ACBD5: variants seen among roughly 807,000 people sequenced by gnomAD.
ACBD5 encodes acyl-CoA-binding domain-containing protein 5.
A neutral mutation model predicts 71.8 loss-of-function variants in ACBD5; 40 were observed. The observed-to-expected ratio is 0.56, with a 90% confidence interval of 0.43 to 0.72. The LOEUF is 0.72. Among genes scored for constraint, ACBD5 ranks in the 30% least tolerant of loss-of-function variants. The pLI, the probability that ACBD5 is intolerant of heterozygous loss-of-function variation, is 0.00. For synonymous variants in ACBD5, 229 were observed against 218.6 expected (o/e 1.05, Z -0.42); for missense variants, 559 against 644.5 (o/e 0.87, Z 1.44).
intron 7 of ACBD5, among the ~76,000 whole-genome samples, chr10:27,217,758 A>T (rs750611435): frequency 6.6e-6 from 1 of 152,166 alleles, no homozygotes; most frequent in Non-Finnish European, 1.5e-5. Context: ...GTGAGCCATG[A>T]CTATGCCACT....
intron 7 of ACBD5, 72 bp from the exon 8 acceptor site, chr10:27,215,713 T>G (rs982851027): frequency 8.8e-7 from 1 of 1,130,828 alleles, no homozygotes; most frequent in Non-Finnish European, 1.3e-6. Context: ...TTCCTTTGTT[T>G]TTTTGAGATG....
At position 27,196,386 on chromosome 10, in the gene ACBD5, T is replaced by A; in HGVS notation, c.*1044A>T. ...GACTTAAATTTCTGTTAGCTGGGCA[T>A]GCCTTATTCCTATGGAAGCATTTGG... On this transcript the variant is annotated 3_prime_UTR_variant, in exon 13 of 13. Transcript: ENST00000396271. The A allele has an allele frequency of 2.2e-6, 1 of 454,320 alleles. No homozygotes were observed. Among genetic ancestry groups the A allele is most frequent in the Non-Finnish European group, 4.4e-6 (1 of 226,780 alleles). 28.1% of individuals were successfully genotyped at this position (454,320 alleles called of 1,614,324 possible).
chr10:27,233,066 C>T (rs2064111661), intron 3 of ACBD5, among the ~76,000 whole-genome samples: 1 of 152,086 alleles, frequency 6.6e-6, no homozygotes, highest in African/African-American at 2.4e-5. Flanking sequence ...TTAAAACAAG[C>T]TTATGGCACT....
intron 8 of ACBD5, among the ~76,000 whole-genome samples, chr10:27,212,292 TGAGC>T (rs1180391877): frequency 6.6e-6 from 1 of 152,202 alleles, no homozygotes; most frequent in African/African-American, 2.4e-5. Flanking sequence ...GAGGTTGCAG[TGAGC>T]CCAGATTGTG....
rs957472302 is a variant in ACBD5, at chr10:27,196,923, G to A, written c.*507C>T. On this transcript the variant is annotated 3_prime_UTR_variant, in exon 13 of 13. Transcript: ENST00000396271. ...CAAAGTGAATATGACCATTCTTCCT[G>A]TGGTTTTCTACTACATGCCATGGCA... 4.4e-5 allele frequency: 20 copies of A among 454,030 alleles called. No homozygotes were observed. The highest frequency in any genetic ancestry group is 7.9e-5 in the Non-Finnish European group (18 of 226,788). The allele number at this position is 454,030 out of a possible 1,614,324, so 28.1% of individuals were successfully genotyped here.
intron 10 of ACBD5, 95 bp from the exon 11 acceptor site, chr10:27,205,343 A>G (rs2060376701): frequency 1.5e-6 from 2 of 1,337,254 alleles, no homozygotes; most frequent in Non-Finnish European, 2.1e-6. Context: ...AGAAATATTG[A>G]GGTTTTTTTT....
intron 9 of ACBD5, among the ~76,000 whole-genome samples, chr10:27,208,777 G>A (rs1448431074): frequency 6.6e-6 from 1 of 152,128 alleles, no homozygotes; most frequent in African/African-American, 2.4e-5. Flanking sequence ...GGCGGTGGTT[G>A]CAGTGAGCCG....
At position 27,210,887 on chromosome 10, in the gene ACBD5, A is replaced by T. The variant is rs1323872686; in HGVS notation, c.1131T>A (p.Asn377Lys). The T allele has an allele frequency of 1.2e-6, 2 of 1,614,164 alleles. No individual in the cohort carries two copies. The highest frequency in any genetic ancestry group is 1.7e-6 in the Non-Finnish European group (2 of 1,180,024). ...TCTCCCGGTGTGGTGCTCCGCTGTT[A>T]TTCCTGCCATCTTCTCCTCCATGCT... Reference protein sequence around the residue: ...EVKHGGEDGRNNSGAPHREKR... With the variant: ...EVKHGGEDGRKNSGAPHREKR... Residue 377 changes from asparagine (N) to lysine (K), a missense_variant, in exon 9 of 13, where the codon AAT becomes AAA. Coordinates refer to ENST00000396271, the MANE Select transcript of ACBD5 (RefSeq NM_145698.5).
rs1413284580 is a variant in ACBD5 at position 27,223,404 on chromosome 10, C to CA, written c.423dup (p.Val142CysfsTer7). 6.2e-7 allele frequency: 1 copy of CA among 1,613,848 alleles called. No individual in the cohort carries two copies. Among genetic ancestry groups the CA allele is most frequent in the Admixed American group, 1.7e-5 (1 of 60,024 alleles). ...ACAATTTCATAAAATGGACCTATGA[C>CA]ACGCAGCAATTCTTCAACTTTCTCA... On this transcript the variant is annotated frameshift_variant, in exon 5 of 13. Coordinates refer to ENST00000396271, the MANE Select transcript of ACBD5 (RefSeq NM_145698.5). LOFTEE classifies it high-confidence loss of function.
At chr10:27,227,295 G>A (rs2063204065) in intron 4 of ACBD5, among the ~76,000 whole-genome samples, 2 of 152,080 alleles carry the variant, frequency 1.3e-5, no homozygotes, top group Non-Finnish European at 2.9e-5. Flanking sequence ...CTCAGTGAGA[G>A]ACATCATTTC....
In ACBD5 at chr10:27,215,935, T is replaced by C. The variant is rs4749239; in HGVS notation, c.830-294A>G. Among the ~76,000 whole-genome samples, 115,419 of 149,692 alleles carry C rather than the reference T, an allele frequency of 0.77. 44,591 individuals carry two copies. Among genetic ancestry groups the C allele is most frequent in the African/African-American group, 0.85 (34,617 of 40,670 alleles). On this transcript the variant is annotated intron_variant, in intron 7 of 12. Coordinates refer to ENST00000396271, the MANE Select transcript of ACBD5 (RefSeq NM_145698.5). ...TGTGGCCCAGGCTGGAGTGCAGTGG[T>C]GCGATCTCGGCTCACAGCAACCTCC...
At chr10:27,203,417 C>T (rs2060136128) in intron 12 of ACBD5, among the ~76,000 whole-genome samples, 1 of 152,154 alleles carries the variant, frequency 6.6e-6, no homozygotes, top group South Asian at 2.1e-4. Context: ...ACCTTGTCAT[C>T]CCAAACTGGA....
Position 27,214,131 on chromosome 10 carries a change from T to C in ACBD5, c.936+1404A>G, listed in dbSNP as rs535887458. 8.1e-4 allele frequency among the ~76,000 whole-genome samples: 123 copies of C among 152,216 alleles called. 1 individual carries two copies. The South Asian group carries it at 0.025, about 31-fold the overall frequency. ...CTAAAAATTAAAACAATTAAACTCA[T>C]GGAGATAGAGATACAATGAATAAGA... On this transcript the variant is annotated intron_variant, in intron 8 of 12. Transcript: ENST00000396271.
In ACBD5 at chr10:27,208,423, G is replaced by A. The variant is rs140366816; in HGVS notation, c.1227C>T (p.Ser409=). 227 of 1,613,972 alleles carry A rather than the reference G, an allele frequency of 1.4e-4. No individual in the cohort carries two copies. In the African/African-American group the frequency reaches 2.4e-3, roughly 17 times the overall value. ...RGRGHRMQHL[S]EGTKGRQVGS... ...CCACCTGCCGGCCCTTGGTTCCTTC[G>A]CTCAAGTGTTGCATCCTATGTCCTA... Residue 409 remains serine (S), a synonymous_variant, in exon 10 of 13, where the codon AGC becomes AGT. Transcript: ENST00000396271.
chr10:27,187,832 AATGTGATGCTTTACATCTTATTGTC>A (rs1467770375), intron 13 of ACBD5, among the ~76,000 whole-genome samples: 1 of 152,208 alleles, frequency 6.6e-6, no homozygotes, highest in Non-Finnish European at 1.5e-5. Context: ...TTTAATAGAA[AATGTGATGCTTTACATCTTATTGTC>A]ATTTATTTAA....
intron 13 of ACBD5, among the ~76,000 whole-genome samples, chr10:27,189,628 G>GGGT (rs71301237): frequency 7.9e-6 from 1 of 126,906 alleles, no homozygotes; most frequent in East Asian, 2.2e-4. Flanking sequence ...GTTGTGGGGT[G>GGGT]GGGGGGAGGG....
In ACBD5 at chr10:27,208,458, G is replaced by A. The variant is rs777821930; in HGVS notation, c.1205-13C>T. The A allele has an allele frequency of 6.2e-7, 1 of 1,611,860 alleles. No homozygotes were observed. The highest frequency in any genetic ancestry group is 8.5e-7 in the Non-Finnish European group (1 of 1,178,880). ...TGCATCCTATGTCCTATTTTAAGAG[G>A]CAAAAATAAGCTTGTTTTAAATAAT... On this transcript the variant is annotated splice_polypyrimidine_tract_variant and intron_variant, in intron 9 of 12. Coordinates refer to ENST00000396271, the MANE Select transcript of ACBD5 (RefSeq NM_145698.5).
chr10:27,226,478 A>G (rs1438772973), intron 4 of ACBD5, among the ~76,000 whole-genome samples: 1 of 150,676 alleles, frequency 6.6e-6, no homozygotes, highest in Non-Finnish European at 1.5e-5. Context: ...ACACACACAC[A>G]CACACACACA....
chr10:27,212,579 C>CTTT (rs398045942), intron 8 of ACBD5, among the ~76,000 whole-genome samples: 10 of 132,694 alleles, frequency 7.5e-5, no homozygotes, highest in East Asian at 4.4e-4. Context: ...ATTTATGCTG[C>CTTT]TTTTTTTTTT....
Sources: gnomAD v4.1 joint callset for allele counts (sites outside exome capture counted in the v4.1 genomes callset) on GRCh38, gnomAD v4.1.1 for gene constraint, MANE v1.5 for transcripts, NCBI Gene and HGNC (gene_info 2026-07-23, HGNC 2026-07-21) for gene names.